The following RIPOR3 variants were observed in gnomAD, a reference collection of about 807,000 sequenced individuals.
RIPOR3 encodes the protein RIPOR family member 3, also known as family with sequence similarity 65 member C.
RIPOR3 carries 95 observed loss-of-function variants against 114.3 expected under a neutral mutation model. That is an observed-to-expected ratio of 0.83 (90% CI 0.70 to 0.99). The LOEUF is 0.99. Among genes scored for constraint, RIPOR3 ranks in the 50% least tolerant of loss-of-function variants. The probability of loss-of-function intolerance (pLI) is 0.00; values close to 1 mark genes in which losing one functional copy is unlikely to be tolerated. For missense variants in RIPOR3, 1,252 were observed against 1,266.9 expected (o/e 0.99, Z 0.18); for synonymous variants, 575 against 543.8 (o/e 1.06, Z -0.80).
At chr20:50,686,122 T>C (rs1157283241) in intron 1 of RIPOR3, among the ~76,000 whole-genome samples, 1 of 152,084 alleles carries the variant, frequency 6.6e-6, no homozygotes, top group Non-Finnish European at 1.5e-5. Context: ...AGTGGCGCAA[T>C]CTCGGCTCAC....
Position 50,605,603 on chromosome 20 carries a change from C to G in RIPOR3, c.957-829G>C, listed in dbSNP as rs141247802. Among the ~76,000 whole-genome samples, 475 of 151,158 alleles carry G rather than the reference C, an allele frequency of 3.1e-3. 5 individuals are homozygous for G. Among genetic ancestry groups the G allele is most frequent in the East Asian group, 3.2e-3 (16 of 5,070 alleles). On this transcript the variant is annotated intron_variant, in intron 11 of 21. Coordinates refer to ENST00000327979, the MANE Select transcript of RIPOR3 (RefSeq NM_001290268.2). The stretch of plus-strand genomic sequence containing the variant: ...CCATAACCTGGCAAAACCCCCGTCT[C>G]TACAAAAAATGAATACATTAGCTGG...
intron 2 of RIPOR3, chr20:50,620,923 G>A: frequency 1.8e-6 from 1 of 557,224 alleles, no homozygotes. Flanking sequence ...TGTACAAGCA[G>A]CATGCTATGG....
chr20:50,652,590 CAAAAAAAAA>C (rs11470456), intron 1 of RIPOR3, among the ~76,000 whole-genome samples: 4 of 87,322 alleles, frequency 4.6e-5, no homozygotes, highest in Admixed American at 1.4e-4. Flanking sequence ...GATTCTGTCT[CAAAAAAAAA>C]AAAAAAAAAA....
chr20:50,679,375 G>T (rs927079888), intron 1 of RIPOR3, among the ~76,000 whole-genome samples: 26 of 150,440 alleles, frequency 1.7e-4, no homozygotes, highest in African/African-American at 5.6e-4. Flanking sequence ...GGGCACGGTG[G>T]CTCACACCTG....
intron 1 of RIPOR3, among the ~76,000 whole-genome samples, chr20:50,674,451 C>T (rs2123559932): frequency 6.6e-6 from 1 of 151,590 alleles, no homozygotes; most frequent in South Asian, 2.1e-4. Context: ...GAGCAAATTC[C>T]GTAGTAAGAG....
chr20:50,626,164 A>G (rs1012229187), intron 2 of RIPOR3, among the ~76,000 whole-genome samples: 1 of 152,260 alleles, frequency 6.6e-6, no homozygotes, highest in African/African-American at 2.4e-5. Context: ...CCTGGCTCCA[A>G]GGGTTCAGAC....
At position 50,609,643 on chromosome 20, in the gene RIPOR3, C is replaced by T. The variant is rs969301387; in HGVS notation, c.506G>A (p.Arg169Gln). Reference sequence around the variant, plus strand: ...TCGGGCTGCGCGGCTCGGGGGGCACCGGGCGAAGGCCCGCTGCATGCTGGA... The same window carrying T: ...TCGGGCTGCGCGGCTCGGGGGGCACTGGGCGAAGGCCCGCTGCATGCTGGA... Reference protein sequence around the residue: ...GASSMQRAFARCPPSRAARES... With the variant: ...GASSMQRAFAQCPPSRAARES... Residue 169 changes from arginine to glutamine, a missense_variant, in exon 7 of 22, where the codon CGG becomes CAG. Coordinates refer to ENST00000327979, the MANE Select transcript of RIPOR3 (RefSeq NM_001290268.2). The T allele has an allele frequency of 8.6e-6, 12 of 1,398,386 alleles. No individual in the cohort carries two copies. The highest frequency in any genetic ancestry group is 5.7e-5 in the East Asian group (2 of 35,324). 86.6% of individuals were successfully genotyped at this position (1,398,386 alleles called of 1,614,324 possible).
At chr20:50,672,578 G>A (rs1465148756) in intron 1 of RIPOR3, among the ~76,000 whole-genome samples, 4 of 152,254 alleles carry the variant, frequency 2.6e-5, no homozygotes, top group Middle Eastern at 3.4e-3. Context: ...GGAAGGCCGC[G>A]GCCAGCTGGC....
chr20:50,666,225 T>G (rs1168489489), intron 1 of RIPOR3, among the ~76,000 whole-genome samples: 2 of 137,254 alleles, frequency 1.5e-5, no homozygotes, highest in Non-Finnish European at 3.1e-5. Flanking sequence ...TTCTTTTCTT[T>G]TTTGAGACGG....
At chr20:50,668,016 A>C (rs2086316652) in intron 1 of RIPOR3, among the ~76,000 whole-genome samples, 1 of 152,022 alleles carries the variant, frequency 6.6e-6, no homozygotes, top group Non-Finnish European at 1.5e-5. Context: ...TGGCCCTCTC[A>C]TGAGACTGGG....
intron 20 of RIPOR3, 46 bp downstream of exon 20, chr20:50,589,639 CA>C: frequency 6.3e-7 from 1 of 1,589,148 alleles, no homozygotes; most frequent in Non-Finnish European, 8.6e-7. Context: ...ACCCTAACCA[CA>C]AGCAGGCTTT....
intron 18 of RIPOR3, among the ~76,000 whole-genome samples, 199 bp downstream of exon 18, chr20:50,592,836 C>T (rs1345863000): frequency 2.0e-5 from 3 of 152,314 alleles, no homozygotes; most frequent in East Asian, 1.9e-4. Context: ...ACCTCTGTTC[C>T]GTGCTTTTTA....
chr20:50,607,847 C>T (rs760065517), intron 11 of RIPOR3, among the ~76,000 whole-genome samples: 25 of 152,252 alleles, frequency 1.6e-4, no homozygotes, highest in Non-Finnish European at 2.8e-4. Context: ...GCTGCCTCTG[C>T]GCTGAGGAGG....
intron 1 of RIPOR3, among the ~76,000 whole-genome samples, chr20:50,652,548 A>C (rs2085646487): frequency 6.9e-6 from 1 of 145,078 alleles, no homozygotes; most frequent in African/African-American, 2.5e-5. Context: ...CCGAGATTGC[A>C]ACACGGCACT....
chr20:50,616,953 T>C (rs766648309), intron 3 of RIPOR3, among the ~76,000 whole-genome samples: 5 of 152,068 alleles, frequency 3.3e-5, no homozygotes, highest in Non-Finnish European at 5.9e-5. Flanking sequence ...CCATCCTGGC[T>C]AACACAGTGA....
In RIPOR3 at chr20:50,597,595, C is replaced by A. The variant is rs559432038; in HGVS notation, c.1775G>T (p.Gly592Val). 1 of 1,607,488 alleles carries A rather than the reference C, an allele frequency of 6.2e-7. No individual in the cohort carries two copies. Among genetic ancestry groups the A allele is most frequent in the East Asian group, 2.2e-5 (1 of 44,500 alleles). The change falls in exon 14 of 22, where the codon GGC becomes GTC. Residue 592 changes from glycine (G) to valine (V), a missense_variant. By Grantham distance (109) the Gly-to-Val change is moderately radical (BLOSUM62 -3). Transcript: ENST00000327979. ...FALDELSLFG[G>V]SQGLRKDRPL... is the part of the protein sequence containing the mutation. ...GTGCACTCACCGGAGACCCTGGGAG[C>A]CCCCAAACAGGGACAGCTCATCCAG...
chr20:50,651,589 G>A (rs993120823), intron 1 of RIPOR3, among the ~76,000 whole-genome samples: 3 of 152,164 alleles, frequency 2.0e-5, no homozygotes, highest in Admixed American at 1.3e-4. Flanking sequence ...AACGGTGTTC[G>A]AATCTTGGCA....
rs144066186 is a variant in RIPOR3 at position 50,622,823 on chromosome 20, G to C, written c.123-2691C>G. On this transcript the variant is annotated intron_variant, in intron 2 of 21. Coordinates refer to ENST00000327979, the MANE Select transcript of RIPOR3 (RefSeq NM_001290268.2). ...CTCTGTCTTTTCACTGGTAAAATGG[G>C]ACCACGTAATACATCAGAGGATGGT... Among the ~76,000 whole-genome samples, 561 of 152,258 alleles carry C rather than the reference G, an allele frequency of 3.7e-3. 7 individuals are homozygous for C. Among genetic ancestry groups the C allele is most frequent in the Admixed American group, 0.025 (385 of 15,276 alleles).
intron 1 of RIPOR3, among the ~76,000 whole-genome samples, chr20:50,633,388 G>A (rs1438963546): frequency 3.3e-5 from 5 of 152,202 alleles, no homozygotes; most frequent in East Asian, 1.9e-4. Flanking sequence ...CACAGAAAGC[G>A]GCAAGTTCTA....
Sources: allele counts gnomAD v4.1 joint callset (sites outside exome capture counted in the v4.1 genomes callset), GRCh38; gene constraint gnomAD v4.1.1; transcripts MANE v1.5; gene names NCBI Gene and HGNC (gene_info 2026-07-23, HGNC 2026-07-21).